The following RIMS2 variants were observed in gnomAD, a reference collection of about 807,000 sequenced individuals.
RIMS2 encodes regulating synaptic membrane exocytosis protein 2.
RIMS2 carries 59 observed loss-of-function variants against 174.4 expected under a neutral mutation model. The observed-to-expected ratio is 0.34, with a 90% CI of 0.27 to 0.42. The LOEUF (loss-of-function observed/expected upper bound fraction) is 0.42. Ranked by LOEUF, RIMS2 falls within the 10% of genes least tolerant of loss-of-function variation. RIMS2 has a pLI of 1.00. For missense variants in RIMS2, 1,620 were observed against 1,666.3 expected, an observed-to-expected ratio of 0.97 and a Z score of 0.48; for synonymous variants, 606 against 572.5, an observed-to-expected ratio of 1.06 and a Z score of -0.84.
At position 103,770,367 on chromosome 8, in the gene RIMS2, G is replaced by A. The variant is rs540074394; in HGVS notation, c.698+3830G>A. Among the ~76,000 whole-genome samples, 1,442 of 152,280 alleles carry A rather than the reference G, an allele frequency of 9.5e-3. 22 individuals are homozygous for A. Among genetic ancestry groups the A allele is most frequent in the East Asian group, 0.039 (202 of 5,180 alleles). ...GAGGAGGGCGGATCACCTGAGGTCA[G>A]GAGTTCAAGACCAGCATGGCCAACT... On this transcript the variant is annotated intron_variant, in intron 3 of 23. Transcript: ENST00000504942.
At chr8:103,998,144 C>G (rs1431536978) in intron 17 of RIMS2, 1 of 1,405,766 alleles carries the variant, frequency 7.1e-7, no homozygotes, top group South Asian at 1.3e-5. Flanking sequence ...TCACTTCTTT[C>G]TTGAGTCTTA....
chr8:103,830,835 G>A (rs1593315036), intron 3 of RIMS2, among the ~76,000 whole-genome samples: 2 of 152,276 alleles, frequency 1.3e-5, no homozygotes, highest in East Asian at 3.9e-4. Flanking sequence ...TTGAGACAAG[G>A]TCTTGCTCTG....
At chr8:104,096,063 C>G (rs1346918123) in intron 19 of RIMS2, among the ~76,000 whole-genome samples, 1 of 152,024 alleles carries the variant, frequency 6.6e-6, no homozygotes, top group Non-Finnish European at 1.5e-5. Context: ...TTGATAATTA[C>G]ATTGGTTTAC....
intron 3 of RIMS2, among the ~76,000 whole-genome samples, chr8:103,883,681 G>A (rs2099182215): frequency 6.6e-6 from 1 of 151,794 alleles, no homozygotes; most frequent in South Asian, 2.1e-4. Context: ...TTCCTTTATA[G>A]TTCCAGGTTA....
intron 17 of RIMS2, among the ~76,000 whole-genome samples, chr8:103,990,839 TTTG>T (rs1464611513): frequency 6.6e-6 from 1 of 152,000 alleles, no homozygotes; most frequent in Non-Finnish European, 1.5e-5. Context: ...AAAAATGGAC[TTTG>T]TTTTCTTTAA....
chr8:103,789,047 G>A (rs181774292), intron 3 of RIMS2, among the ~76,000 whole-genome samples: 7 of 152,256 alleles, frequency 4.6e-5, no homozygotes, highest in African/African-American at 1.2e-4. Context: ...GGTGCCGTCC[G>A]TCACCCCTTT....
chr8:103,525,408 A>G (rs112362165), intron 1 of RIMS2, among the ~76,000 whole-genome samples: 137 of 152,346 alleles, frequency 9.0e-4, no homozygotes, highest in African/African-American at 3.1e-3. Flanking sequence ...AGCTGTTTGC[A>G]GAAACTAATG....
intron 1 of RIMS2, among the ~76,000 whole-genome samples, chr8:103,607,322 T>A (rs2095151331): frequency 6.6e-6 from 1 of 152,092 alleles, no homozygotes; most frequent in Non-Finnish European, 1.5e-5. Flanking sequence ...GAATGTTGAA[T>A]ATTGGCCCCC....
At chr8:103,719,881 G>A (rs966813565) in intron 2 of RIMS2, among the ~76,000 whole-genome samples, 21 of 152,094 alleles carry the variant, frequency 1.4e-4, no homozygotes, top group South Asian at 6.2e-4. Context: ...GTCTAGAGGC[G>A]TATCATGTGT....
chr8:103,511,689 A>G (rs1826507822), intron 1 of RIMS2, among the ~76,000 whole-genome samples: 1 of 152,242 alleles, frequency 6.6e-6, no homozygotes, highest in African/African-American at 2.4e-5. Flanking sequence ...TTTTCTTTAA[A>G]ACTACTAATA....
chr8:103,995,830 A>G (rs1238066908), intron 17 of RIMS2, among the ~76,000 whole-genome samples: 1 of 151,922 alleles, frequency 6.6e-6, no homozygotes, highest in African/African-American at 2.4e-5. Flanking sequence ...TTCAATAGAC[A>G]TAGTAAACCT....
At chr8:103,855,621 A>G (rs1386266913) in intron 3 of RIMS2, among the ~76,000 whole-genome samples, 2 of 152,020 alleles carry the variant, frequency 1.3e-5, no homozygotes, top group Non-Finnish European at 2.9e-5. Flanking sequence ...TTTACCTATG[A>G]GTTATTGAGG....
At chr8:104,079,044 A>G (rs1484248480) in intron 19 of RIMS2, among the ~76,000 whole-genome samples, 1 of 152,178 alleles carries the variant, frequency 6.6e-6, no homozygotes, top group East Asian at 1.9e-4. Flanking sequence ...GAAATATAAA[A>G]AGACTATTTT....
chr8:103,809,971 A>G lies in RIMS2; in HGVS notation c.698+43434A>G, dbSNP rs188751575. 5.9e-5 allele frequency among the ~76,000 whole-genome samples: 9 copies of G among 152,336 alleles called. No homozygotes were observed. In the East Asian group the frequency reaches 1.7e-3, roughly 29 times the overall value. On this transcript the variant is annotated intron_variant, in intron 3 of 23. Coordinates refer to ENST00000504942, the Ensembl canonical transcript of RIMS2. ...ATGAAGCAGAAGGCATTTGGGATTC[A>G]GCATAAAATTTTGAAGGAACTTTGT... is the stretch of plus-strand genomic sequence containing the variant.
chr8:104,001,160 G>C (rs1425657546), intron 17 of RIMS2, among the ~76,000 whole-genome samples: 1 of 151,746 alleles, frequency 6.6e-6, no homozygotes, highest in Non-Finnish European at 1.5e-5. Context: ...ATAAAATCTA[G>C]TGTTCAATAG....
At chr8:103,522,517 G>A (rs939990714) in intron 1 of RIMS2, among the ~76,000 whole-genome samples, 1 of 152,110 alleles carries the variant, frequency 6.6e-6, no homozygotes, top group African/African-American at 2.4e-5. Context: ...TGATAACAAT[G>A]AAGCCTGGGC....
chr8:103,585,225 A>T (rs1364403798), intron 1 of RIMS2, among the ~76,000 whole-genome samples: 1 of 152,212 alleles, frequency 6.6e-6, no homozygotes, highest in East Asian at 1.9e-4. Flanking sequence ...CGATTATTAA[A>T]AAGTCAGGAA....
intron 16 of RIMS2, among the ~76,000 whole-genome samples, chr8:103,985,844 T>C (rs1199559926): frequency 6.6e-6 from 1 of 152,206 alleles, no homozygotes; most frequent in South Asian, 2.1e-4. Flanking sequence ...GAGGGCATTA[T>C]GTTAGGTGAA....
chr8:104,033,653 A>G (rs1212843672), intron 19 of RIMS2, among the ~76,000 whole-genome samples: 2 of 150,162 alleles, frequency 1.3e-5, no homozygotes, highest in African/African-American at 2.4e-5. Flanking sequence ...TTTTTCCTGT[A>G]TACTAGGAAA....
Sources: gnomAD v4.1 joint callset for allele counts (sites outside exome capture counted in the v4.1 genomes callset) on GRCh38, gnomAD v4.1.1 for gene constraint, MANE v1.5 for transcripts, NCBI Gene and HGNC (gene_info 2026-07-23, HGNC 2026-07-21) for gene names.